AGAP1: variants seen among roughly 807,000 people sequenced by gnomAD.
AGAP1 encodes the protein ArfGAP with GTPase domain, ankyrin repeat and PH domain 1.
A neutral mutation model predicts 105.3 loss-of-function variants in AGAP1; 29 were observed. The ratio of observed to expected loss-of-function variants is 0.28; its 90% CI spans 0.21 to 0.38. AGAP1 has a LOEUF of 0.38. Ranked by LOEUF, AGAP1 falls within the 10% of genes least tolerant of loss-of-function variation. The pLI is 1.00. For synonymous variants in AGAP1, 509 were observed against 485.9 expected (o/e 1.05, Z -0.63); for missense variants, 998 against 1,165.1 (o/e 0.86, Z 2.09).
chr2:235,696,153 C>G (rs1949988106), intron 1 of AGAP1, among the ~76,000 whole-genome samples: 1 of 152,214 alleles, frequency 6.6e-6, no homozygotes. Flanking sequence ...TCAAGCGATT[C>G]TCCTGCCTCA....
At position 235,701,199 on chromosome 2, in the gene AGAP1, A is replaced by G. The variant is rs1347562226; in HGVS notation, c.164-7980A>G. Among the ~76,000 whole-genome samples the G allele has an allele frequency of 6.6e-6, 1 of 151,636 alleles. No homozygotes were observed. Among genetic ancestry groups the G allele is most frequent in the Non-Finnish European group, 1.5e-5 (1 of 67,952 alleles). On this transcript the variant is annotated intron_variant, in intron 1 of 17. Coordinates refer to ENST00000304032, the MANE Select transcript of AGAP1 (RefSeq NM_001037131.3). This position sits in a 1 kb window ranked among gnomAD's most constrained non-coding sequence, Gnocchi z 4.1. ...TATATATGGGGGGGTGGAAATCACT[A>G]TCCTCTAAGAAGTTACAAACCTGCA... is the stretch of plus-strand genomic sequence containing the variant.
At chr2:235,707,002 C>T (rs1312887523) in intron 1 of AGAP1, among the ~76,000 whole-genome samples, 1 of 152,254 alleles carries the variant, frequency 6.6e-6, no homozygotes, top group African/African-American at 2.4e-5. Flanking sequence ...CAGGCCCACG[C>T]TAGTGCGTTC....
At position 235,883,959 on chromosome 2, in the gene AGAP1, A is replaced by G. The variant is rs551966862; in HGVS notation, c.1155+510A>G. ...TGTGTTATATGTAAGTTTATGTTAC[A>G]TATAAGTTTGTTATATCCGTGGTGT... On this transcript the variant is annotated intron_variant, in intron 10 of 17. Coordinates refer to ENST00000304032, the MANE Select transcript of AGAP1 (RefSeq NM_001037131.3). This position sits in a 1 kb window ranked among gnomAD's most constrained non-coding sequence, Gnocchi z 4.5. Among the ~76,000 whole-genome samples the G allele has an allele frequency of 1.1e-4, 17 of 152,242 alleles. No individual in the cohort carries two copies. The highest frequency in any genetic ancestry group is 2.1e-4 in the Non-Finnish European group (14 of 68,048).
chr2:235,901,705 AC>A lies in AGAP1; in HGVS notation c.1156-7029del, dbSNP rs2051073063. On this transcript the variant is annotated intron_variant, in intron 10 of 17. Coordinates refer to ENST00000304032, the MANE Select transcript of AGAP1 (RefSeq NM_001037131.3). This position sits in a 1 kb window ranked among gnomAD's most constrained non-coding sequence, Gnocchi z 4.3. ...AGACTAGTCTGGCCAACATGGTGAA[AC>A]CCCATCTCTACTAAAACTACAGAAA... is the stretch of plus-strand genomic sequence containing the variant. 6.6e-6 allele frequency among the ~76,000 whole-genome samples: 1 copy of A among 152,104 alleles called. No homozygotes were observed. Among genetic ancestry groups the A allele is most frequent in the South Asian group, 2.1e-4 (1 of 4,824 alleles).
At chr2:235,916,618 C>T (rs2051897720) in intron 11 of AGAP1, among the ~76,000 whole-genome samples, 1 of 152,166 alleles carries the variant, frequency 6.6e-6, no homozygotes, top group South Asian at 2.1e-4. Context: ...TCACTAAACC[C>T]CAGCTTCCTT....
chr2:235,742,381 C>T (rs550065030), intron 4 of AGAP1, among the ~76,000 whole-genome samples: 19 of 152,240 alleles, frequency 1.2e-4, no homozygotes, highest in Admixed American at 4.6e-4. Context: ...ATGAAACAGC[C>T]GCAATAATTA....
intron 1 of AGAP1, among the ~76,000 whole-genome samples, chr2:235,525,045 C>G (rs925810496): frequency 6.6e-6 from 1 of 152,162 alleles, no homozygotes; most frequent in African/African-American, 2.4e-5. Context: ...AAATTTCTTA[C>G]GGTTAGTACA....
intron 1 of AGAP1, among the ~76,000 whole-genome samples, chr2:235,565,305 C>T (rs185822987): frequency 3.8e-4 from 58 of 152,340 alleles, no homozygotes; most frequent in Non-Finnish European, 5.6e-4. Context: ...GCATTGGCCC[C>T]ATGCCACATG....
chr2:236,077,636 C>T lies in AGAP1; in HGVS notation c.2114+28355C>T, dbSNP rs139632374. On this transcript the variant is annotated intron_variant, in intron 16 of 17. Transcript: ENST00000304032. ...CCCCAGCCATGTATGTCTTTTAAAGCGTTATTTTTAGTGGTGTCACAATAA... is the reference window on the plus strand; with the variant it reads ...CCCCAGCCATGTATGTCTTTTAAAGTGTTATTTTTAGTGGTGTCACAATAA... Among the ~76,000 whole-genome samples, 2 of 152,186 alleles carry T rather than the reference C, an allele frequency of 1.3e-5. 1 individual carries two copies. The highest frequency in any genetic ancestry group is 2.9e-5 in the Non-Finnish European group (2 of 68,006).
rs1467574449 is a variant in AGAP1, at chr2:235,867,968, C to T, written c.1051-15377C>T. 6.6e-6 allele frequency among the ~76,000 whole-genome samples: 1 copy of T among 152,132 alleles called. No individual in the cohort carries two copies. Among genetic ancestry groups the T allele is most frequent in the East Asian group, 1.9e-4 (1 of 5,192 alleles). ...AATACATGTTTATAGGGGGAAAAAT[C>T]TTAATTAGAATAATTAGAATAAAAT... On this transcript the variant is annotated intron_variant, in intron 9 of 17. Coordinates refer to ENST00000304032, the MANE Select transcript of AGAP1 (RefSeq NM_001037131.3). The surrounding 1 kb of genome is among the most constrained non-coding windows in gnomAD (Gnocchi z 5.4).
chr2:235,946,598 G>GGAAACTAGAAACAATCTCAGTTCA (rs1196486289), intron 12 of AGAP1, among the ~76,000 whole-genome samples: 1 of 152,310 alleles, frequency 6.6e-6, no homozygotes, highest in South Asian at 2.1e-4. Flanking sequence ...CTCTCAGTGT[G>GGAAACTAGAAACAATCTCAGTTCA]GAAACTAGAA....
intron 6 of AGAP1, among the ~76,000 whole-genome samples, chr2:235,784,081 G>A (rs935725197): frequency 2.0e-5 from 3 of 152,044 alleles, no homozygotes; most frequent in Non-Finnish European, 4.4e-5. Context: ...GGAGGTGTTC[G>A]CTTTCAAATT....
intron 11 of AGAP1, among the ~76,000 whole-genome samples, chr2:235,923,398 A>G (rs944336950): frequency 5.5e-4 from 84 of 152,196 alleles, no homozygotes; most frequent in African/African-American, 1.7e-3. Context: ...CTGGTACAAC[A>G]TACACATAAG....
chr2:235,662,611 A>AT lies in AGAP1; in HGVS notation c.164-46563dup, dbSNP rs577076589. Among the ~76,000 whole-genome samples, 4 of 147,652 alleles carry AT rather than the reference A, an allele frequency of 2.7e-5. No homozygotes were observed. The East Asian group carries it at 8.0e-4, about 30-fold the overall frequency. On this transcript the variant is annotated intron_variant, in intron 1 of 17. Transcript: ENST00000304032. The surrounding 1 kb of genome is among the most constrained non-coding windows in gnomAD (Gnocchi z 4.2). ...AACCTCTGCCTCCTGGGTTCAAGCGATTTTTCTGCCTCAGCCTCCCAAGTA... is the reference window on the plus strand; with the variant it reads ...AACCTCTGCCTCCTGGGTTCAAGCGATTTTTTCTGCCTCAGCCTCCCAAGTA...
intron 16 of AGAP1, among the ~76,000 whole-genome samples, chr2:236,100,978 T>A (rs1428617683): frequency 6.6e-6 from 1 of 152,166 alleles, no homozygotes; most frequent in Non-Finnish European, 1.5e-5. Context: ...GTGAGTGGCT[T>A]CATGCAGGGC....
chr2:235,868,164 T>TTAC (rs1233514854), intron 9 of AGAP1, among the ~76,000 whole-genome samples: 1 of 151,482 alleles, frequency 6.6e-6, no homozygotes, highest in East Asian at 1.9e-4. Flanking sequence ...CAATATTCAC[T>TTAC]GTAAAACCAC....
At chr2:235,860,155 T>G (rs374871277) in intron 9 of AGAP1, among the ~76,000 whole-genome samples, 8 of 152,118 alleles carry the variant, frequency 5.3e-5, no homozygotes, top group African/African-American at 1.9e-4. Flanking sequence ...ATTAAAACAG[T>G]GAAAAGATAG....
At position 236,120,249 on chromosome 2, in the gene AGAP1, G is replaced by C; in HGVS notation, c.2172G>C (p.Pro724=). ...ACGAGCAGAAGCTCTTCCTGGCCCC[G>C]CTGCCCTGCACGGAGCTGTCCCTGG... ...AKYEQKLFLA[P]LPCTELSLGQ... is the part of the protein sequence containing the mutation. The change falls in exon 17 of 18, where the codon CCG becomes CCC. Residue 724 remains proline, a synonymous_variant. Coordinates refer to ENST00000304032, the MANE Select transcript of AGAP1 (RefSeq NM_001037131.3). The surrounding 1 kb of genome is among the most constrained non-coding windows in gnomAD (Gnocchi z 6.0). 6.2e-7 allele frequency: 1 copy of C among 1,613,408 alleles called. No individual in the cohort carries two copies. Among genetic ancestry groups the C allele is most frequent in the Non-Finnish European group, 8.5e-7 (1 of 1,179,664 alleles).
At chr2:235,632,437 C>T (rs574491057) in intron 1 of AGAP1, among the ~76,000 whole-genome samples, 2 of 152,184 alleles carry the variant, frequency 1.3e-5, no homozygotes, top group Non-Finnish European at 2.9e-5. Context: ...TGTTTCGCCA[C>T]GTCCATTACG....
Sources: gnomAD v4.1 joint callset for allele counts (sites outside exome capture counted in the v4.1 genomes callset) on GRCh38, gnomAD v4.1.1 for gene constraint, Gnocchi (gnomAD v3.1) non-coding constraint, MANE v1.5 for transcripts, NCBI Gene and HGNC (gene_info 2026-07-23, HGNC 2026-07-21) for gene names.